LRRIQ1: variants seen among roughly 807,000 people sequenced by gnomAD.
LRRIQ1 encodes leucine-rich repeat- and IQ domain-containing protein 1.
Under a neutral mutation model 211.9 loss-of-function variants are expected in LRRIQ1, and 210 were observed. The ratio of observed to expected loss-of-function variants is 0.99; its 90% CI spans 0.89 to 1.11. The LOEUF (loss-of-function observed/expected upper bound fraction) is 1.11. LRRIQ1 is among the 50% of genes most tolerant of loss of function. LRRIQ1 has a pLI of 0.00. For missense variants in LRRIQ1, 2,136 were observed against 1,939.5 expected (o/e 1.10, Z -1.90); for synonymous variants, 699 against 650.1 (o/e 1.08, Z -1.14).
At chr12:85,205,088 T>C (rs1370371694) in intron 24 of LRRIQ1, among the ~76,000 whole-genome samples, 3 of 152,132 alleles carry the variant, frequency 2.0e-5, no homozygotes, top group Admixed American at 6.5e-5. Flanking sequence ...CGAGGTCTGA[T>C]GGTTTTATCA....
chr12:85,237,387 G>A (rs908554175), intron 26 of LRRIQ1, among the ~76,000 whole-genome samples: 1 of 152,038 alleles, frequency 6.6e-6, no homozygotes, highest in Non-Finnish European at 1.5e-5. Flanking sequence ...AAGAGAGAAA[G>A]GAGTGTTCAG....
At chr12:85,061,026 G>T (rs1054237756) in intron 8 of LRRIQ1, among the ~76,000 whole-genome samples, 1 of 151,798 alleles carries the variant, frequency 6.6e-6, no homozygotes, top group Non-Finnish European at 1.5e-5. Flanking sequence ...ATGAGAGTCT[G>T]AAAGTATAAC....
In LRRIQ1 at chr12:85,229,668, A is replaced by T; in HGVS notation, c.4955+19A>T. 1 of 1,601,594 alleles carries T rather than the reference A, an allele frequency of 6.2e-7. No individual in the cohort carries two copies. Among genetic ancestry groups the T allele is most frequent in the South Asian group, 1.1e-5 (1 of 88,702 alleles). ...TGAAATGGTGAGGTCATTTCCTCTA[A>T]ATTAGATTTTTGTATTGTAAACACA... is the stretch of plus-strand genomic sequence containing the variant. On this transcript the variant is annotated intron_variant, in intron 25 of 26. Coordinates refer to ENST00000393217, the MANE Select transcript of LRRIQ1 (RefSeq NM_001079910.2).
intron 14 of LRRIQ1, among the ~76,000 whole-genome samples, chr12:85,104,383 T>G (rs979063986): frequency 1.3e-5 from 2 of 151,920 alleles, no homozygotes; most frequent in Non-Finnish European, 2.9e-5. Context: ...CTAACAGGTA[T>G]AGAGTAGTCA....
intron 15 of LRRIQ1, among the ~76,000 whole-genome samples, chr12:85,112,725 C>A (rs1004114338): frequency 6.6e-6 from 1 of 151,890 alleles, no homozygotes; most frequent in Non-Finnish European, 1.5e-5. Context: ...CATTCAGATG[C>A]GATTTCAGGG....
chr12:85,217,492 GTATATATATATATA>G (rs1214919315), intron 24 of LRRIQ1, among the ~76,000 whole-genome samples: 4 of 74,956 alleles, frequency 5.3e-5, no homozygotes, highest in African/African-American at 1.2e-4. Context: ...ATATATATAT[GTATATATATATATA>G]TATGTGTGTG....
intron 1 of LRRIQ1, among the ~76,000 whole-genome samples, chr12:85,252,128 TA>T (rs1895963259): frequency 6.6e-6 from 1 of 151,882 alleles, no homozygotes; most frequent in African/African-American, 2.4e-5. Flanking sequence ...AGCTATTTTA[TA>T]AAATCAAGTT....
At chr12:85,039,277 C>T (rs1171749286) in intron 2 of LRRIQ1, among the ~76,000 whole-genome samples, 1 of 151,204 alleles carries the variant, frequency 6.6e-6, no homozygotes, top group Non-Finnish European at 1.5e-5. Flanking sequence ...TTATTTATAT[C>T]ACTTAGAATC....
At chr12:85,205,424 G>A (rs1433911743) in intron 24 of LRRIQ1, among the ~76,000 whole-genome samples, 1 of 152,036 alleles carries the variant, frequency 6.6e-6, no homozygotes, top group Non-Finnish European at 1.5e-5. Flanking sequence ...CTGAATATAG[G>A]CCCCCATTGT....
At chr12:85,037,305 T>TA (rs1326977187) in intron 1 of LRRIQ1, among the ~76,000 whole-genome samples, 1 of 152,052 alleles carries the variant, frequency 6.6e-6, no homozygotes, top group African/African-American at 2.4e-5. Context: ...AAATGACTCT[T>TA]ACCTCCACCA....
rs1171716784 is a variant in LRRIQ1 at position 85,056,526 on chromosome 12, A to T, written c.1733A>T (p.Asn578Ile). 2 of 1,611,466 alleles carry T rather than the reference A, an allele frequency of 1.2e-6. No individual in the cohort carries two copies. Among genetic ancestry groups the T allele is most frequent in the Non-Finnish European group, 8.5e-7 (1 of 1,178,910 alleles). Residue 578 changes from asparagine (N) to isoleucine (I), a missense_variant, in exon 8 of 27, where the codon AAT (asparagine) becomes ATT (isoleucine). Transcript: ENST00000393217. ...TNEEQKIIKD[N>I]QQKKIQKVEK... ...GAAGAGCAGAAAATAATCAAAGATA[A>T]TCAGCAGAAAAAGATACAAAAAGTA... is the stretch of plus-strand genomic sequence containing the variant.
chr12:85,197,918 A>G (rs1484134615), intron 24 of LRRIQ1, among the ~76,000 whole-genome samples: 2 of 119,480 alleles, frequency 1.7e-5, no homozygotes, highest in Non-Finnish European at 3.3e-5. Flanking sequence ...TATAATAAAA[A>G]TATATATAAT....
intron 21 of LRRIQ1, 132 bp downstream of exon 21, chr12:85,153,277 A>G: frequency 1.0e-6 from 1 of 954,496 alleles, no homozygotes; most frequent in Admixed American, 2.8e-5. Context: ...AGTGTTAAAA[A>G]CATCATGGTC....
At chr12:85,067,452 A>G (rs1342930452) in intron 10 of LRRIQ1, among the ~76,000 whole-genome samples, 3 of 151,996 alleles carry the variant, frequency 2.0e-5, no homozygotes, top group African/African-American at 4.8e-5. Flanking sequence ...TTGTATAGGT[A>G]GCAATGAAAA....
intron 11 of LRRIQ1, among the ~76,000 whole-genome samples, chr12:85,093,722 A>C (rs1201777309): frequency 2.0e-5 from 3 of 152,238 alleles, no homozygotes; most frequent in African/African-American, 7.2e-5. Flanking sequence ...GTCGGCAGAT[A>C]AAGTGACTGC....
chr12:85,075,614 C>G (rs1379099748), intron 11 of LRRIQ1, among the ~76,000 whole-genome samples: 2 of 152,002 alleles, frequency 1.3e-5, no homozygotes, highest in East Asian at 3.9e-4. Flanking sequence ...GATGGATCCC[C>G]CCTACCCCAA....
intron 24 of LRRIQ1, among the ~76,000 whole-genome samples, chr12:85,204,595 T>C (rs1446409334): frequency 1.3e-5 from 2 of 152,160 alleles, no homozygotes; most frequent in Non-Finnish European, 2.9e-5. Context: ...ATGTGAGAAA[T>C]GGAGTCAAAG....
At chr12:85,143,054 T>A (rs1352185014) in intron 19 of LRRIQ1, among the ~76,000 whole-genome samples, 1 of 151,648 alleles carries the variant, frequency 6.6e-6, no homozygotes, top group Non-Finnish European at 1.5e-5. Context: ...TAATGGCTTA[T>A]ACTAATTTAC....
At chr12:85,070,668 A>G (rs184391348) in intron 10 of LRRIQ1, among the ~76,000 whole-genome samples, 16 of 152,058 alleles carry the variant, frequency 1.1e-4, no homozygotes, top group Non-Finnish European at 2.1e-4. Flanking sequence ...AGAATATTTC[A>G]GTCAGTTGCT....
Sources: gnomAD v4.1 joint callset for allele counts (sites outside exome capture counted in the v4.1 genomes callset) on GRCh38, gnomAD v4.1.1 for gene constraint, MANE v1.5 for transcripts, NCBI Gene and HGNC (gene_info 2026-07-23, HGNC 2026-07-21) for gene names.